CDH12: variants seen among roughly 807,000 people sequenced by gnomAD.
The protein encoded by CDH12 is cadherin-12.
Under a neutral mutation model 74.1 loss-of-function variants are expected in CDH12, and 41 were observed. The ratio of observed to expected loss-of-function variants is 0.55; its 90% CI spans 0.43 to 0.72. The LOEUF is 0.72. Among genes scored for constraint, CDH12 ranks in the 30% least tolerant of loss-of-function variants. The pLI, the probability that CDH12 is intolerant of heterozygous loss-of-function variation, is 0.00. For synonymous variants in CDH12, 399 were observed against 355.0 expected (o/e 1.12, Z -1.39); for missense variants, 945 against 977.2 (o/e 0.97, Z 0.44).
intron 1 of CDH12, among the ~76,000 whole-genome samples, chr5:22,805,689 G>A (rs184367418): frequency 2.0e-4 from 31 of 151,926 alleles, no homozygotes; most frequent in Middle Eastern, 3.4e-3. Flanking sequence ...TTTAAGTTCT[G>A]GGGTACATGT....
chr5:22,610,759 A>G (rs976281227), intron 1 of CDH12, among the ~76,000 whole-genome samples: 7 of 152,214 alleles, frequency 4.6e-5, no homozygotes, highest in Admixed American at 4.6e-4. Flanking sequence ...ATATACATTT[A>G]TTAAACTTTA....
intron 3 of CDH12, among the ~76,000 whole-genome samples, chr5:22,372,529 A>G (rs1741337178): frequency 6.6e-6 from 1 of 152,168 alleles, no homozygotes; most frequent in East Asian, 1.9e-4. Context: ...ATGCTGAGTC[A>G]CCAGGCTTCC....
Position 22,829,375 on chromosome 5 carries a change from G to A in CDH12, c.-523+23683C>T, listed in dbSNP as rs572655489. Among the ~76,000 whole-genome samples the A allele has an allele frequency of 3.9e-5, 6 of 152,164 alleles. No homozygotes were observed. In the South Asian group the frequency reaches 6.2e-4, roughly 16 times the overall value. Reference sequence around the variant, plus strand: ...TATTTCTATCACCCTCAAGATACACGATATTTTATAGATAAGAAATCTGAG... The same window carrying A: ...TATTTCTATCACCCTCAAGATACACAATATTTTATAGATAAGAAATCTGAG... On this transcript the variant is annotated intron_variant, in intron 1 of 14. Transcript: ENST00000382254.
intron 5 of CDH12, among the ~76,000 whole-genome samples, chr5:22,026,562 G>C (rs1338313512): frequency 6.6e-6 from 1 of 152,088 alleles, no homozygotes; most frequent in Non-Finnish European, 1.5e-5. Flanking sequence ...CCATTTCCCA[G>C]AAAACTCTTC....
intron 5 of CDH12, among the ~76,000 whole-genome samples, chr5:22,049,747 T>C (rs1266754962): frequency 6.6e-6 from 1 of 152,124 alleles, no homozygotes; most frequent in Non-Finnish European, 1.5e-5. Context: ...TTGTAGGATA[T>C]CATGGCTATT....
At chr5:22,611,733 C>T (rs1475559549) in intron 1 of CDH12, among the ~76,000 whole-genome samples, 2 of 152,128 alleles carry the variant, frequency 1.3e-5, no homozygotes, top group African/African-American at 2.4e-5. Flanking sequence ...GTCTCCTGCT[C>T]CTATGTCCTG....
chr5:22,200,336 A>T (rs746585992), intron 4 of CDH12, among the ~76,000 whole-genome samples: 1 of 152,136 alleles, frequency 6.6e-6, no homozygotes, highest in Non-Finnish European at 1.5e-5. Context: ...GCTCCCCTAT[A>T]CTAAATATCA....
At chr5:21,857,863 A>G (rs1163105839) in intron 6 of CDH12, among the ~76,000 whole-genome samples, 1 of 151,848 alleles carries the variant, frequency 6.6e-6, no homozygotes, top group African/African-American at 2.4e-5. Context: ...GTTTGAGATC[A>G]AAGAGCAGAA....
At chr5:21,900,771 C>A (rs1753349332) in intron 6 of CDH12, among the ~76,000 whole-genome samples, 1 of 152,166 alleles carries the variant, frequency 6.6e-6, no homozygotes, top group Non-Finnish European at 1.5e-5. Flanking sequence ...GAAGACTCTG[C>A]AGAATTAATG....
At chr5:22,030,227 C>A (rs1032240488) in intron 5 of CDH12, among the ~76,000 whole-genome samples, 1 of 151,790 alleles carries the variant, frequency 6.6e-6, no homozygotes, top group Admixed American at 6.6e-5. Context: ...AACTAACCTG[C>A]ACATTGTACA....
At chr5:22,026,282 A>G (rs73061115) in intron 5 of CDH12, among the ~76,000 whole-genome samples, 2,897 of 152,318 alleles carry the variant, frequency 0.019, 98 homozygotes, top group African/African-American at 0.066. Flanking sequence ...AGGAACTGTT[A>G]CAGCAGGCTG....
At chr5:21,899,328 T>C (rs938980691) in intron 6 of CDH12, among the ~76,000 whole-genome samples, 5 of 152,196 alleles carry the variant, frequency 3.3e-5, no homozygotes, top group African/African-American at 1.2e-4. Flanking sequence ...TGATTTACCT[T>C]GCATTCCTCA....
rs1580304317 is a variant in CDH12 at position 22,135,294 on chromosome 5, A to T, written c.-186-56432T>A. ...TTAGAGTGTTTTTGTTTTTCAAATG[A>T]TATGGTACTGCTGAGTAAAAATGAC... On this transcript the variant is annotated intron_variant, in intron 4 of 14. Transcript: ENST00000382254. Among the ~76,000 whole-genome samples, 5 of 151,666 alleles carry T rather than the reference A, an allele frequency of 3.3e-5. No individual in the cohort carries two copies. In the Middle Eastern group the frequency reaches 0.017, roughly 519 times the overall value.
chr5:22,229,083 T>C (rs1752295948), intron 3 of CDH12, among the ~76,000 whole-genome samples: 1 of 151,876 alleles, frequency 6.6e-6, no homozygotes, highest in Non-Finnish European at 1.5e-5. Flanking sequence ...ACTGTCAAAT[T>C]CTTAGTAGCA....
chr5:22,155,622 T>C (rs1747976318), intron 4 of CDH12, among the ~76,000 whole-genome samples: 2 of 152,150 alleles, frequency 1.3e-5, no homozygotes, highest in Non-Finnish European at 2.9e-5. Flanking sequence ...GAATAGATCA[T>C]TGAACATATA....
In CDH12 at chr5:22,797,510, A is replaced by C. The variant is rs1330051351; in HGVS notation, c.-523+55548T>G. On this transcript the variant is annotated intron_variant, in intron 1 of 14. Transcript: ENST00000382254. ...TGGCTTCTGACTCTAGTAACTAATA[A>C]TTGCATAAGTGAAGTTAAGGACTTA... Among the ~76,000 whole-genome samples the C allele has an allele frequency of 4.6e-5, 7 of 152,188 alleles. No individual in the cohort carries two copies. In the East Asian group the frequency reaches 1.3e-3, roughly 29 times the overall value.
intron 1 of CDH12, among the ~76,000 whole-genome samples, chr5:22,762,290 G>A (rs1378055684): frequency 1.3e-5 from 2 of 151,766 alleles, no homozygotes; most frequent in Admixed American, 6.6e-5. Context: ...ATAATTATAG[G>A]AGTAATCTCT....
chr5:22,051,584 C>T (rs1740372088), intron 5 of CDH12, among the ~76,000 whole-genome samples: 1 of 152,078 alleles, frequency 6.6e-6, no homozygotes, highest in African/African-American at 2.4e-5. Context: ...TGTATTCTTT[C>T]TCTAAGTGTT....
intron 6 of CDH12, among the ~76,000 whole-genome samples, chr5:21,904,629 A>C (rs1262364334): frequency 6.6e-6 from 1 of 151,978 alleles, no homozygotes; most frequent in Non-Finnish European, 1.5e-5. Flanking sequence ...AAAAATAAAA[A>C]ATTAGCCAAG....
Sources: allele counts gnomAD v4.1 joint callset (sites outside exome capture counted in the v4.1 genomes callset), GRCh38; gene constraint gnomAD v4.1.1; transcripts MANE v1.5; gene names NCBI Gene and HGNC (gene_info 2026-07-23, HGNC 2026-07-21).